The following ADAMTS2 variants were observed in gnomAD, a reference collection of about 807,000 sequenced individuals.
ADAMTS2 encodes the protein ADAM metallopeptidase with thrombospondin type 1 motif 2.
Under a neutral mutation model 123.0 loss-of-function variants are expected in ADAMTS2, and 50 were observed. The observed-to-expected ratio is 0.41, with a 90% CI of 0.32 to 0.51. The LOEUF (loss-of-function observed/expected upper bound fraction) is 0.51. ADAMTS2 is among the 20% of genes least tolerant of loss of function. The probability of loss-of-function intolerance (pLI) is 0.35; values close to 1 mark genes in which losing one functional copy is unlikely to be tolerated. For synonymous variants in ADAMTS2, 678 were observed against 695.4 expected, an observed-to-expected ratio of 0.98 and a Z score of 0.39; for missense variants, 1,494 against 1,705.2, an observed-to-expected ratio of 0.88 and a Z score of 2.18.
intron 3 of ADAMTS2, among the ~76,000 whole-genome samples, chr5:179,249,727 A>G (rs1349693911): frequency 1.3e-5 from 2 of 152,224 alleles, no homozygotes; most frequent in African/African-American, 4.8e-5. Context: ...GTACAGATCT[A>G]TAACAAGTAA....
At position 179,314,977 on chromosome 5, in the gene ADAMTS2, C is replaced by T. The variant is rs1485807019; in HGVS notation, c.534+28790G>A. 2.6e-5 allele frequency among the ~76,000 whole-genome samples: 4 copies of T among 152,256 alleles called. No homozygotes were observed. In the East Asian group the frequency reaches 7.7e-4, roughly 29 times the overall value. ...GAGCCTAATCACAGCCAGCTACGCC[C>T]CCTTCTCCCAGTTATTCAAGCCTGG... On this transcript the variant is annotated intron_variant, in intron 2 of 21. Coordinates refer to ENST00000251582, the MANE Select transcript of ADAMTS2 (RefSeq NM_014244.5). This position sits in a 1 kb window ranked among gnomAD's most constrained non-coding sequence, Gnocchi z 4.5.
intron 4 of ADAMTS2, among the ~76,000 whole-genome samples, chr5:179,195,178 G>C (rs1412370876): frequency 6.6e-6 from 1 of 152,306 alleles, no homozygotes; most frequent in African/African-American, 2.4e-5. Flanking sequence ...GCAGGGATGC[G>C]GAGGCCAGGA....
Position 179,296,952 on chromosome 5 carries a change from G to A in ADAMTS2, c.535-23888C>T, listed in dbSNP as rs1439166644. ...TGAAACATGCTAAAAGAGAGACAGA[G>A]AAAACTGCAAACCCAGAAAGCAGGG... On this transcript the variant is annotated intron_variant, in intron 2 of 21. Transcript: ENST00000251582. Among the ~76,000 whole-genome samples, 5 of 152,282 alleles carry A rather than the reference G, an allele frequency of 3.3e-5. No homozygotes were observed. In the East Asian group the frequency reaches 9.6e-4, roughly 29 times the overall value.
At chr5:179,288,662 A>T (rs1235500248) in intron 2 of ADAMTS2, among the ~76,000 whole-genome samples, 1 of 152,214 alleles carries the variant, frequency 6.6e-6, no homozygotes, top group Non-Finnish European at 1.5e-5. Context: ...TGGTTGGCCC[A>T]CTGGAGAGCC....
chr5:179,237,629 T>C (rs1307143479), intron 3 of ADAMTS2, among the ~76,000 whole-genome samples: 1 of 152,068 alleles, frequency 6.6e-6, no homozygotes, highest in African/African-American at 2.4e-5. Flanking sequence ...TGAGGCGATG[T>C]GTGATTCTCA....
rs552651626 is a variant in ADAMTS2 at position 179,268,006 on chromosome 5, C to T, written c.688+4905G>A. 7.9e-5 allele frequency among the ~76,000 whole-genome samples: 12 copies of T among 152,350 alleles called. No homozygotes were observed. The South Asian group carries it at 1.0e-3, about 13-fold the overall frequency. ...GCTGTTGCCGACTCACTGAGCTCAG[C>T]GCCGTGGCTGGATTCCTGGAGCCTT... On this transcript the variant is annotated intron_variant, in intron 3 of 21. Coordinates refer to ENST00000251582, the MANE Select transcript of ADAMTS2 (RefSeq NM_014244.5).
At chr5:179,293,588 G>A (rs556002618) in intron 2 of ADAMTS2, among the ~76,000 whole-genome samples, 44 of 151,210 alleles carry the variant, frequency 2.9e-4, no homozygotes, top group Non-Finnish European at 4.9e-4. Context: ...GACAAGCACC[G>A]GAGTTGGCAT....
At chr5:179,298,956 G>T (rs1756421290) in intron 2 of ADAMTS2, among the ~76,000 whole-genome samples, 1 of 152,130 alleles carries the variant, frequency 6.6e-6, no homozygotes, top group Non-Finnish European at 1.5e-5. Context: ...TTTTTAAAAT[G>T]ATGACAGTGA....
chr5:179,337,581 G>A (rs543076544), intron 2 of ADAMTS2, among the ~76,000 whole-genome samples: 24 of 152,216 alleles, frequency 1.6e-4, no homozygotes, highest in African/African-American at 5.8e-4. Context: ...GGACCCCCAG[G>A]GCTGCCCAAG....
chr5:179,183,876 A>C (rs1764105579), intron 4 of ADAMTS2, among the ~76,000 whole-genome samples: 1 of 152,180 alleles, frequency 6.6e-6, no homozygotes, highest in Non-Finnish European at 1.5e-5. Context: ...TGATAGGGTT[A>C]GTGTCCTATA....
rs1040238419 is a variant in ADAMTS2 at position 179,228,976 on chromosome 5, G to A, written c.689-21261C>T. 1.3e-5 allele frequency among the ~76,000 whole-genome samples: 2 copies of A among 152,184 alleles called. No individual in the cohort carries two copies. The highest frequency in any genetic ancestry group is 1.5e-5 in the Non-Finnish European group (1 of 68,024). ...GTGCTTGAGAGGTGACAGCCAGCAC[G>A]TGAGCAAGTGCCCTGGGTTCTGGTC... is the stretch of plus-strand genomic sequence containing the variant. On this transcript the variant is annotated intron_variant, in intron 3 of 21. Transcript: ENST00000251582. This position sits in a 1 kb window ranked among gnomAD's most constrained non-coding sequence, Gnocchi z 5.2.
Position 179,128,227 on chromosome 5 carries a change from T to C in ADAMTS2, c.2458-109A>G. 4 of 1,381,574 alleles carry C rather than the reference T, an allele frequency of 2.9e-6. No individual in the cohort carries two copies. The highest frequency in any genetic ancestry group is 2.4e-5 in the South Asian group (2 of 83,136). 85.6% of individuals were successfully genotyped at this position (1,381,574 alleles called of 1,614,324 possible). ...GACTCCAGAGGAGTCTCATCATTCATGGCAGTTACATTCCATGAAGTCGCC... is the reference window on the plus strand; with the variant it reads ...GACTCCAGAGGAGTCTCATCATTCACGGCAGTTACATTCCATGAAGTCGCC... On this transcript the variant is annotated intron_variant, in intron 16 of 21. Transcript: ENST00000251582. The surrounding 1 kb of genome is among the most constrained non-coding windows in gnomAD (Gnocchi z 4.9).
rs148698937 is a variant in ADAMTS2 at position 179,170,364 on chromosome 5, A to G, written c.975+10708T>C. The stretch of plus-strand genomic sequence containing the variant: ...GCCACTTTCTGCCCAAGTCTGGGTC[A>G]TGGTCTCACATCCCCCAGAGTCTGT... On this transcript the variant is annotated intron_variant, in intron 5 of 21. Transcript: ENST00000251582. This position sits in a 1 kb window ranked among gnomAD's most constrained non-coding sequence, Gnocchi z 4.3. Among the ~76,000 whole-genome samples, 3 of 152,240 alleles carry G rather than the reference A, an allele frequency of 2.0e-5. No homozygotes were observed. Among genetic ancestry groups the G allele is most frequent in the African/African-American group, 7.2e-5 (3 of 41,536 alleles).
intron 2 of ADAMTS2, among the ~76,000 whole-genome samples, chr5:179,280,977 C>G (rs1354061678): frequency 6.6e-6 from 1 of 152,174 alleles, no homozygotes; most frequent in African/African-American, 2.4e-5. Context: ...CCTGCCTCAG[C>G]CTCCCAAGTA....
chr5:179,203,708 A>G (rs1009334790), intron 4 of ADAMTS2, among the ~76,000 whole-genome samples: 12 of 147,362 alleles, frequency 8.1e-5, no homozygotes, highest in Non-Finnish European at 1.5e-4. Flanking sequence ...AAGAAAAAAA[A>G]GACAAGAGTT....
At chr5:179,167,653 C>T (rs1298004517) in intron 5 of ADAMTS2, among the ~76,000 whole-genome samples, 1 of 152,196 alleles carries the variant, frequency 6.6e-6, no homozygotes, top group East Asian at 1.9e-4. Context: ...CGCCACGCGA[C>T]CGAGGCTCAC....
chr5:179,115,705 A>AAAGGGAGGAG lies in ADAMTS2; in HGVS notation c.3179-1382_3179-1381insCTCCTCCCTT, dbSNP rs1561762993. On this transcript the variant is annotated intron_variant, in intron 21 of 21. Transcript: ENST00000251582. This position sits in a 1 kb window ranked among gnomAD's most constrained non-coding sequence, Gnocchi z 4.4. ...AAGAAAGGGAGGAGGAAAGGGAGGGAGAAAGGGAGGGAGAAAGGCTCAGGC... is the reference window on the plus strand; with the variant it reads ...AAGAAAGGGAGGAGGAAAGGGAGGGAAAGGGAGGAGGAAAGGGAGGGAGAAAGGCTCAGGC... 9.9e-5 allele frequency among the ~76,000 whole-genome samples: 15 copies of AAAGGGAGGAG among 150,792 alleles called. No individual in the cohort carries two copies. Among genetic ancestry groups the AAAGGGAGGAG allele is most frequent in the South Asian group, 4.2e-4 (2 of 4,760 alleles).
rs1282567653 is a variant in ADAMTS2 at position 179,197,050 on chromosome 5, T to C, written c.891+10463A>G. 3.3e-5 allele frequency among the ~76,000 whole-genome samples: 5 copies of C among 152,270 alleles called. No homozygotes were observed. In the East Asian group the frequency reaches 9.6e-4, roughly 29 times the overall value. Reference sequence around the variant, plus strand: ...CAAATTTACTTTAATGTAAAACTGATGTTTTAAAATGCTTACCATCCAAAA... The same window carrying C: ...CAAATTTACTTTAATGTAAAACTGACGTTTTAAAATGCTTACCATCCAAAA... On this transcript the variant is annotated intron_variant, in intron 4 of 21. Transcript: ENST00000251582. This position sits in a 1 kb window ranked among gnomAD's most constrained non-coding sequence, Gnocchi z 4.2.
Position 179,129,061 on chromosome 5 carries a change from G to C in ADAMTS2, c.2457+871C>G, listed in dbSNP as rs573609784. On this transcript the variant is annotated intron_variant, in intron 16 of 21. Transcript: ENST00000251582. This position sits in a 1 kb window ranked among gnomAD's most constrained non-coding sequence, Gnocchi z 4.1. ...CAGGCGACTCACACTTCACCACTCT[G>C]TGCGTGTCCGTTTGGGGCTCACGAA... is the stretch of plus-strand genomic sequence containing the variant. Among the ~76,000 whole-genome samples, 1 of 152,186 alleles carries C rather than the reference G, an allele frequency of 6.6e-6. No homozygotes were observed. The highest frequency in any genetic ancestry group is 1.5e-5 in the Non-Finnish European group (1 of 68,030).
Sources: gnomAD v4.1 joint callset for allele counts (sites outside exome capture counted in the v4.1 genomes callset) on GRCh38, gnomAD v4.1.1 for gene constraint, Gnocchi (gnomAD v3.1) non-coding constraint, MANE v1.5 for transcripts, NCBI Gene and HGNC (gene_info 2026-07-23, HGNC 2026-07-21) for gene names.